SEMA3D: variants seen among roughly 807,000 people sequenced by gnomAD.
SEMA3D encodes the protein semaphorin 3D.
Under a neutral mutation model 100.1 loss-of-function variants are expected in SEMA3D, and 84 were observed. The ratio of observed to expected loss-of-function variants is 0.84; its 90% CI spans 0.70 to 1.01. SEMA3D has a LOEUF of 1.01. Among genes scored for constraint, SEMA3D ranks in the 50% least tolerant of loss-of-function variants. The pLI, the probability that SEMA3D is intolerant of heterozygous loss-of-function variation, is 0.00. For synonymous variants in SEMA3D, 312 were observed against 320.7 expected (o/e 0.97, Z 0.29); for missense variants, 875 against 934.1 (o/e 0.94, Z 0.82).
At chr7:85,133,467 T>C (rs1030344814) in intron 2 of SEMA3D, among the ~76,000 whole-genome samples, 1 of 152,006 alleles carries the variant, frequency 6.6e-6, no homozygotes, top group Non-Finnish European at 1.5e-5. Context: ...AGAAGTTGAC[T>C]TGAAAGCTAG....
intron 12 of SEMA3D, among the ~76,000 whole-genome samples, chr7:85,024,427 G>A (rs571195122): frequency 4.6e-5 from 7 of 152,026 alleles, no homozygotes; most frequent in East Asian, 1.9e-4. Context: ...CATTCAAGCC[G>A]TAGTTTTTGA....
intron 1 of SEMA3D, among the ~76,000 whole-genome samples, chr7:85,181,160 G>A (rs1241828837): frequency 6.6e-6 from 1 of 152,108 alleles, no homozygotes; most frequent in Non-Finnish European, 1.5e-5. Flanking sequence ...GGATCCTCAG[G>A]CTTATCCACT....
rs770108090 is a variant in SEMA3D at position 84,999,469 on chromosome 7, C to A, written c.2305G>T (p.Asp769Tyr). 2 of 1,614,008 alleles carry A rather than the reference C, an allele frequency of 1.2e-6. No individual in the cohort carries two copies. The change falls in exon 19 of 19, where the codon GAT becomes TAT. Residue 769 changes from aspartate to tyrosine, a missense_variant. Coordinates refer to ENST00000284136, the MANE Select transcript of SEMA3D (RefSeq NM_001384900.1). The part of the protein sequence containing the change: ...KRNRRHHRDL[D>Y]ELPRAVAT ...GTGGCTACAGCTCTAGGGAGCTCAT[C>A]CAGGTCTCTGTGATGTCTTCGATTT...
intron 2 of SEMA3D, among the ~76,000 whole-genome samples, chr7:85,145,014 A>G (rs1295027123): frequency 6.6e-6 from 1 of 152,158 alleles, no homozygotes; most frequent in Non-Finnish European, 1.5e-5. Context: ...AGCACGGAGG[A>G]AAAATAAAAT....
intron 3 of SEMA3D, among the ~76,000 whole-genome samples, chr7:85,114,056 A>G (rs576727583): frequency 4.6e-5 from 7 of 152,304 alleles, no homozygotes; most frequent in Non-Finnish European, 7.4e-5. Flanking sequence ...TCTCAATACT[A>G]TCTAAGCAAA....
At chr7:85,207,291 C>T in the SEMA3D span, among the ~76,000 whole-genome samples, 10 of 152,074 alleles carry the variant, frequency 6.6e-5, no homozygotes, top group South Asian at 1.2e-3. Flanking sequence ...ACTGCCTTCT[C>T]GTCTGTTTAT....
At chr7:85,061,228 G>T (rs1328802411) in intron 8 of SEMA3D, among the ~76,000 whole-genome samples, 3 of 151,996 alleles carry the variant, frequency 2.0e-5, no homozygotes, top group African/African-American at 7.3e-5. Context: ...TCCTCGTAAG[G>T]TATTTGCTAG....
At chr7:85,014,970 C>T (rs2115803941) in intron 16 of SEMA3D, 89 bp downstream of exon 16, 2 of 938,080 alleles carry the variant, frequency 2.1e-6, no homozygotes, top group Non-Finnish European at 3.1e-6. Flanking sequence ...TATATTTTCT[C>T]TTTAACTTAA....
chr7:85,136,193 G>A (rs1346583444), intron 2 of SEMA3D, among the ~76,000 whole-genome samples: 4 of 152,060 alleles, frequency 2.6e-5, no homozygotes, highest in Non-Finnish European at 5.9e-5. Flanking sequence ...GAAGAGCAAC[G>A]AATTCTTGAT....
At chr7:85,044,134 T>C (rs1460023538) in intron 9 of SEMA3D, among the ~76,000 whole-genome samples, 1 of 152,076 alleles carries the variant, frequency 6.6e-6, no homozygotes, top group Non-Finnish European at 1.5e-5. Flanking sequence ...AGAAGTTAAC[T>C]GTTAAGTTTC....
At chr7:85,120,571 G>A (rs1789379826) in intron 3 of SEMA3D, among the ~76,000 whole-genome samples, 1 of 151,466 alleles carries the variant, frequency 6.6e-6, no homozygotes, top group Non-Finnish European at 1.5e-5. Flanking sequence ...AGGAGGCTGA[G>A]GTGGGAGAGT....
intron 1 of SEMA3D, among the ~76,000 whole-genome samples, chr7:85,173,070 G>A (rs555078937): frequency 1.3e-5 from 2 of 152,138 alleles, no homozygotes; most frequent in South Asian, 2.1e-4. Flanking sequence ...GGGAATGAGA[G>A]CAGACCCAAC....
At chr7:85,216,571 A>G in the SEMA3D span, among the ~76,000 whole-genome samples, 12 of 152,152 alleles carry the variant, frequency 7.9e-5, no homozygotes, top group South Asian at 2.3e-3. Context: ...AAGATGGCAA[A>G]GAACACAATG....
intron 3 of SEMA3D, among the ~76,000 whole-genome samples, chr7:85,118,680 G>T (rs1425035620): frequency 1.3e-5 from 2 of 152,038 alleles, no homozygotes; most frequent in African/African-American, 4.8e-5. Flanking sequence ...TGTTTGTCAG[G>T]TGCATAGTTT....
intron 3 of SEMA3D, among the ~76,000 whole-genome samples, chr7:85,117,693 A>G (rs1789282337): frequency 6.6e-6 from 1 of 152,024 alleles, no homozygotes; most frequent in Non-Finnish European, 1.5e-5. Flanking sequence ...GGATTACTTG[A>G]GCTTAGGAGG....
the SEMA3D span, among the ~76,000 whole-genome samples, chr7:85,217,489 G>A: frequency 6.6e-6 from 1 of 151,976 alleles, no homozygotes; most frequent in Non-Finnish European, 1.5e-5. Context: ...TATGTATTCT[G>A]GACACTTAAT....
chr7:85,171,944 G>GGT (rs140105038), intron 1 of SEMA3D, among the ~76,000 whole-genome samples: 25 of 149,908 alleles, frequency 1.7e-4, no homozygotes, highest in Admixed American at 4.0e-4. Flanking sequence ...ATGCTAAAGC[G>GGT]GTGTGTGTGT....
intron 1 of SEMA3D, among the ~76,000 whole-genome samples, chr7:85,183,223 C>A (rs547713954): frequency 6.6e-6 from 1 of 152,108 alleles, no homozygotes; most frequent in Non-Finnish European, 1.5e-5. Context: ...TGCCAACCCC[C>A]GAAGTTATCT....
chr7:85,194,544 A>G, the SEMA3D span, among the ~76,000 whole-genome samples: 2 of 152,148 alleles, frequency 1.3e-5, no homozygotes, highest in East Asian at 3.8e-4. Flanking sequence ...AACTCAGTCA[A>G]TGATTTTTCA....
Sources: allele counts gnomAD v4.1 joint callset (sites outside exome capture counted in the v4.1 genomes callset), GRCh38; gene constraint gnomAD v4.1.1; transcripts MANE v1.5; gene names NCBI Gene and HGNC (gene_info 2026-07-23, HGNC 2026-07-21).